Variants in PAH observed in about 807,000 individuals in gnomAD.
PAH encodes the protein phenylalanine hydroxylase.
A neutral mutation model predicts 62.0 loss-of-function variants in PAH; 64 were observed. The observed-to-expected ratio is 1.03, with a 90% CI of 0.84 to 1.27. The LOEUF (loss-of-function observed/expected upper bound fraction) is 1.27, where lower values mean the gene tolerates loss of function less well. Ranked by LOEUF, PAH falls within the 50% of genes most tolerant of loss-of-function variation. The pLI, the probability that PAH is intolerant of heterozygous loss-of-function variation, is 0.00. For synonymous variants in PAH, 195 were observed against 196.2 expected, an observed-to-expected ratio of 0.99 and a Z score of 0.05; for missense variants, 579 against 542.8, an observed-to-expected ratio of 1.07 and a Z score of -0.66.
intron 1 of PAH, among the ~76,000 whole-genome samples, chr12:102,948,623 C>T (rs1879601894): frequency 6.6e-6 from 1 of 152,124 alleles, no homozygotes; most frequent in Admixed American, 6.5e-5. Context: ...ATCCTCTTAC[C>T]CAAATAAAGT....
rs62508692 is a variant in PAH at position 102,852,852 on chromosome 12, T to G, written c.805A>C (p.Ile269Leu). 326 of 1,613,910 alleles carry G rather than the reference T, an allele frequency of 2.0e-4. No individual in the cohort carries two copies. The highest frequency in any genetic ancestry group is 2.6e-4 in the Non-Finnish European group (306 of 1,179,988). Residue 269 changes from isoleucine to leucine, a missense_variant, in exon 7 of 13, where the codon ATC becomes CTC. Physicochemically the swap from Ile to Leu is conservative, Grantham distance 5. Transcript: ENST00000553106. ...AFRVFHCTQY[I>L]RHGSKPMYTP... ...TACATGGGCTTGGATCCATGTCTGA[T>G]GTACTGTGTGCAGTGGAAGACTCGG... is the stretch of plus-strand genomic sequence containing the variant.
At chr12:102,863,007 G>A (rs922250547) in intron 5 of PAH, among the ~76,000 whole-genome samples, 13 of 151,596 alleles carry the variant, frequency 8.6e-5, no homozygotes, top group African/African-American at 3.2e-4. Flanking sequence ...ACTAAGCACT[G>A]ATACAGGAGA....
At chr12:102,856,006 T>A (rs1875408655) in intron 5 of PAH, among the ~76,000 whole-genome samples, 1 of 146,034 alleles carries the variant, frequency 6.8e-6, no homozygotes, top group Non-Finnish European at 1.5e-5. Flanking sequence ...TATACAATTA[T>A]ATAATTATAT....
At chr12:102,881,149 G>C (rs1876796358) in intron 3 of PAH, among the ~76,000 whole-genome samples, 1 of 151,032 alleles carries the variant, frequency 6.6e-6, no homozygotes, top group African/African-American at 2.4e-5. Flanking sequence ...AAGTAGCTGG[G>C]AATACAGGTG....
upstream of PAH, among the ~76,000 whole-genome samples, chr12:102,954,885 A>G (rs761376291): frequency 2.6e-5 from 4 of 152,228 alleles, no homozygotes; most frequent in Non-Finnish European, 5.9e-5. Flanking sequence ...GAGAAAGTGG[A>G]GATGACAGTG....
chr12:102,923,990 C>A (rs1243668764), intron 1 of PAH, among the ~76,000 whole-genome samples: 1 of 152,184 alleles, frequency 6.6e-6, no homozygotes, highest in Non-Finnish European at 1.5e-5. Context: ...TGCCTTTATA[C>A]ACGAGTTAGG....
intron 3 of PAH, among the ~76,000 whole-genome samples, chr12:102,883,156 C>G (rs11830089): frequency 9.5e-4 from 145 of 152,324 alleles, no homozygotes; most frequent in African/African-American, 3.5e-3. Context: ...CCTGTGGGAT[C>G]CTCTGAAGGG....
chr12:102,939,879 C>G (rs548426530), intron 1 of PAH, among the ~76,000 whole-genome samples: 1 of 152,126 alleles, frequency 6.6e-6, no homozygotes, highest in East Asian at 1.9e-4. Context: ...CAGTGTGCAG[C>G]CTGGGAGTGC....
chr12:102,916,227 C>T (rs952841977), intron 1 of PAH, among the ~76,000 whole-genome samples: 1 of 152,032 alleles, frequency 6.6e-6, no homozygotes, highest in Non-Finnish European at 1.5e-5. Flanking sequence ...ATTAACCATT[C>T]TTTTCTCTCC....
In PAH at chr12:102,843,717, AT is replaced by A. The variant is rs62642921; in HGVS notation, c.1127del (p.Asn376IlefsTer24). On this transcript the variant is annotated frameshift_variant, in exon 11 of 13. Transcript: ENST00000553106. LOFTEE classifies it high-confidence loss of function. ...PLELEKTAIQ[N>X]YTVTEFQPLY... ...GGGGCTGGAACTCCGTGACAGTGTA[AT>A]TTTGGATGGCTGTCTTCTCCAGCTC... 1 of 1,613,722 alleles carries A rather than the reference AT, an allele frequency of 6.2e-7. No homozygotes were observed. Among genetic ancestry groups the A allele is most frequent in the Admixed American group, 1.7e-5 (1 of 59,994 alleles).
chr12:102,904,701 C>G, intron 2 of PAH: 1 of 492,812 alleles, frequency 2.0e-6, no homozygotes, highest in Non-Finnish European at 4.0e-6. Flanking sequence ...TTTATAGGGT[C>G]CAGAAATGTG....
chr12:102,846,923 GGTGCACCCAGA>G lies in PAH; in HGVS notation c.930_940del (p.Leu311Ter), dbSNP rs62651568. The stretch of plus-strand genomic sequence containing the variant: ...GGCGAGCTTTTCAATGTATTCATCA[GGTGCACCCAGA>G]GAGGCAAGGCCAATTTCCTGTAATT... On this transcript the variant is annotated frameshift_variant, in exon 9 of 13. Coordinates refer to ENST00000553106, the MANE Select transcript of PAH (RefSeq NM_000277.3). LOFTEE classifies it high-confidence loss of function. 1.2e-6 allele frequency: 2 copies of G among 1,613,718 alleles called. No homozygotes were observed. Among genetic ancestry groups the G allele is most frequent in the Non-Finnish European group, 8.5e-7 (1 of 1,179,700 alleles).
At chr12:102,856,277 TC>T (rs1437472282) in intron 5 of PAH, among the ~76,000 whole-genome samples, 1 of 152,082 alleles carries the variant, frequency 6.6e-6, no homozygotes, top group Non-Finnish European at 1.5e-5. Context: ...TCTAGTAAGC[TC>T]CCCAGGTGAC....
chr12:102,861,859 T>G (rs916647581), intron 5 of PAH, among the ~76,000 whole-genome samples: 2 of 151,078 alleles, frequency 1.3e-5, no homozygotes, highest in African/African-American at 4.9e-5. Context: ...GGGATAGCAT[T>G]AGGAGATATA....
At chr12:102,847,329 C>A in intron 8 of PAH, 1 of 290,908 alleles carries the variant, frequency 3.4e-6, no homozygotes, top group Non-Finnish European at 6.7e-6. Flanking sequence ...ATCATGTACC[C>A]TGGAAACATC....
rs78751578 is a variant in PAH at position 102,902,608 on chromosome 12, T to C, written c.169-7690A>G. ...TCTGGGAGGGCCAGCAATGCCCCAG[T>C]TGACCAACAATATGGAAATTAAACC... is the stretch of plus-strand genomic sequence containing the variant. On this transcript the variant is annotated intron_variant, in intron 2 of 12. Transcript: ENST00000553106. 5.4e-3 allele frequency among the ~76,000 whole-genome samples: 820 copies of C among 152,288 alleles called. 12 individuals carry two copies. Among genetic ancestry groups the C allele is most frequent in the African/African-American group, 0.019 (778 of 41,556 alleles).
chr12:102,956,579 A>C (rs957389809), intron 1 of PAH, among the ~76,000 whole-genome samples: 3 of 152,098 alleles, frequency 2.0e-5, no homozygotes, highest in Admixed American at 1.3e-4. Flanking sequence ...GCGCCGAAGA[A>C]CCAGGAATCC....
rs1874469222 is a variant in PAH, at chr12:102,838,877, A to T, written c.*298T>A. 3 of 443,338 alleles carry T rather than the reference A, an allele frequency of 6.8e-6. No individual in the cohort carries two copies. In the East Asian group the frequency reaches 1.3e-4, roughly 19 times the overall value. 27.5% of individuals were successfully genotyped at this position (443,338 alleles called of 1,614,324 possible). ...TGAAGCTTGAATGAAGCAGGTCCCA[A>T]ATTTTAATTAATCTTGATGAAATGC... is the stretch of plus-strand genomic sequence containing the variant. On this transcript the variant is annotated 3_prime_UTR_variant, in exon 13 of 13. Transcript: ENST00000553106.
intron 3 of PAH, among the ~76,000 whole-genome samples, chr12:102,886,748 T>C (rs1243024589): frequency 3.3e-5 from 5 of 152,136 alleles, no homozygotes; most frequent in Admixed American, 6.6e-5. Flanking sequence ...CATGCCATCT[T>C]CTCTATCATT....
Sources: gnomAD v4.1 joint callset for allele counts (sites outside exome capture counted in the v4.1 genomes callset) on GRCh38, gnomAD v4.1.1 for gene constraint, MANE v1.5 for transcripts, NCBI Gene and HGNC (gene_info 2026-07-23, HGNC 2026-07-21) for gene names.